The following CSMD3 variants were observed in gnomAD, a reference collection of about 807,000 sequenced individuals.
The protein encoded by CSMD3 is CUB and sushi domain-containing protein 3.
In CSMD3, 177 loss-of-function variants were observed where a neutral mutation model predicts 435.2. The observed-to-expected ratio is 0.41, with a 90% CI of 0.36 to 0.46. The LOEUF (loss-of-function observed/expected upper bound fraction) is 0.46. CSMD3 is among the 20% of genes least tolerant of loss of function. CSMD3 has a pLI of 0.34. For missense variants in CSMD3, 4,265 were observed against 4,504.6 expected (o/e 0.95, Z 1.52); for synonymous variants, 1,656 against 1,520.5 (o/e 1.09, Z -2.07).
At chr8:112,922,738 G>A (rs1394954808) in intron 9 of CSMD3, among the ~76,000 whole-genome samples, 1 of 151,870 alleles carries the variant, frequency 6.6e-6, no homozygotes, top group African/African-American at 2.4e-5. Context: ...CCCTTAACAT[G>A]GCATAAAAAG....
chr8:112,818,116 A>G (rs1188133664), intron 12 of CSMD3, among the ~76,000 whole-genome samples: 3 of 152,010 alleles, frequency 2.0e-5, no homozygotes, highest in African/African-American at 7.2e-5. Context: ...GAATAGAATA[A>G]GTAATTGATT....
intron 1 of CSMD3, among the ~76,000 whole-genome samples, chr8:113,351,409 A>C (rs1165944117): frequency 1.3e-5 from 2 of 152,160 alleles, no homozygotes; most frequent in African/African-American, 4.8e-5. Flanking sequence ...TCACCTATAA[A>C]ATAGATAATT....
chr8:112,554,895 C>T (rs905945438), intron 25 of CSMD3, among the ~76,000 whole-genome samples: 2 of 151,934 alleles, frequency 1.3e-5, no homozygotes, highest in African/African-American at 4.8e-5. Flanking sequence ...GAGGCTAAAA[C>T]ATAGCTGTAG....
At chr8:112,869,956 G>A (rs955824206) in intron 10 of CSMD3, among the ~76,000 whole-genome samples, 6 of 152,066 alleles carry the variant, frequency 3.9e-5, no homozygotes, top group African/African-American at 1.4e-4. Flanking sequence ...TGGATGACAG[G>A]TTGATAGGTG....
At chr8:112,672,496 G>C (rs1355506289) in intron 16 of CSMD3, among the ~76,000 whole-genome samples, 1 of 152,070 alleles carries the variant, frequency 6.6e-6, no homozygotes, top group Non-Finnish European at 1.5e-5. Context: ...CTGCATGGTT[G>C]ACAAGACCCC....
chr8:112,867,465 A>AT (rs945275137), intron 10 of CSMD3, among the ~76,000 whole-genome samples: 2 of 152,050 alleles, frequency 1.3e-5, no homozygotes, highest in African/African-American at 4.8e-5. Context: ...TTGTGAGGCA[A>AT]TTTTGTCATT....
Position 112,292,566 on chromosome 8 carries a change from T to A in CSMD3, c.8759A>T (p.Gln2920Leu), listed in dbSNP as rs2130688129. The A allele has an allele frequency of 1.2e-6, 2 of 1,613,878 alleles. No individual in the cohort carries two copies. Among genetic ancestry groups the A allele is most frequent in the Non-Finnish European group, 1.7e-6 (2 of 1,179,798 alleles). The stretch of plus-strand genomic sequence containing the variant: ...GCACATAGGTGGAGGATGGCTCCAC[T>A]GTCTGTTGGCCTGGCACTGTGCCTT... ...PTKAQCQANR[Q>L]WSHPPPMCKV... Residue 2920 changes from glutamine to leucine, a missense_variant, in exon 55 of 71, where the codon CAG (glutamine) becomes CTG (leucine). By Grantham distance (113) the Gln-to-Leu change is moderately radical. Transcript: ENST00000297405.
chr8:112,656,618 T>C (rs2075264551), intron 17 of CSMD3, among the ~76,000 whole-genome samples: 1 of 152,122 alleles, frequency 6.6e-6, no homozygotes, highest in Admixed American at 6.5e-5. Flanking sequence ...ACTGGACTGT[T>C]CATGAACCAA....
chr8:113,085,138 C>T (rs1042461734), intron 5 of CSMD3, among the ~76,000 whole-genome samples: 1 of 151,876 alleles, frequency 6.6e-6, no homozygotes, highest in Non-Finnish European at 1.5e-5. Flanking sequence ...AAACAATCAA[C>T]AGAGTGAAGA....
chr8:113,051,425 GTCT>G (rs1473229379), intron 5 of CSMD3, among the ~76,000 whole-genome samples: 3 of 151,942 alleles, frequency 2.0e-5, no homozygotes, highest in Non-Finnish European at 4.4e-5. Flanking sequence ...AACAATAATG[GTCT>G]TCTATAGAAA....
At chr8:112,993,332 T>C (rs912922044) in intron 6 of CSMD3, among the ~76,000 whole-genome samples, 2 of 151,752 alleles carry the variant, frequency 1.3e-5, no homozygotes, top group African/African-American at 2.4e-5. Context: ...GAAAAGTATA[T>C]CCTAGATATT....
At chr8:113,259,663 T>C (rs1033374448) in intron 3 of CSMD3, among the ~76,000 whole-genome samples, 10 of 151,788 alleles carry the variant, frequency 6.6e-5, no homozygotes, top group Admixed American at 4.6e-4. Flanking sequence ...ATTTAAAGAA[T>C]AAAGATATAT....
In CSMD3 at chr8:113,092,981, T is replaced by G. The variant is rs572735794; in HGVS notation, c.917+5775A>C. ...ACTTCAGTCAAATCAAGTACAACCA[T>G]TGGAAAAAACATGTAAAAGCAGATT... On this transcript the variant is annotated intron_variant, in intron 5 of 70. Transcript: ENST00000297405. Among the ~76,000 whole-genome samples the G allele has an allele frequency of 4.6e-5, 7 of 152,182 alleles. No individual in the cohort carries two copies. In the South Asian group the frequency reaches 1.5e-3, roughly 32 times the overall value.
At chr8:112,647,678 T>C (rs891748565) in intron 19 of CSMD3, among the ~76,000 whole-genome samples, 1 of 152,154 alleles carries the variant, frequency 6.6e-6, no homozygotes, top group South Asian at 2.1e-4. Context: ...AATTGATCTA[T>C]CTCTTCCGAA....
intron 1 of CSMD3, among the ~76,000 whole-genome samples, chr8:113,327,722 C>T (rs748376161): frequency 6.6e-6 from 1 of 151,454 alleles, no homozygotes; most frequent in Non-Finnish European, 1.5e-5. Context: ...TTTGGCCTGA[C>T]ATGGAGATTT....
intron 32 of CSMD3, among the ~76,000 whole-genome samples, chr8:112,437,930 T>C (rs897037178): frequency 2.6e-5 from 4 of 152,086 alleles, no homozygotes; most frequent in African/African-American, 9.7e-5. Flanking sequence ...CCATTCTATA[T>C]TACCTAGCAC....
intron 5 of CSMD3, among the ~76,000 whole-genome samples, chr8:113,087,774 A>T (rs1427039031): frequency 1.3e-5 from 2 of 152,178 alleles, no homozygotes; most frequent in Admixed American, 6.5e-5. Flanking sequence ...AACCTAGGCA[A>T]TACCATTCAG....
intron 5 of CSMD3, among the ~76,000 whole-genome samples, chr8:113,059,950 A>G (rs1447146889): frequency 6.6e-6 from 1 of 151,996 alleles, no homozygotes; most frequent in East Asian, 1.9e-4. Context: ...TTAACCTAGC[A>G]GTAGGACTGA....
intron 20 of CSMD3, among the ~76,000 whole-genome samples, chr8:112,642,407 C>T (rs1216761892): frequency 6.6e-6 from 1 of 152,050 alleles, no homozygotes; most frequent in Non-Finnish European, 1.5e-5. Context: ...ATGACACTGT[C>T]GTTAACTGAG....
Sources: allele counts gnomAD v4.1 joint callset (sites outside exome capture counted in the v4.1 genomes callset), GRCh38; gene constraint gnomAD v4.1.1; transcripts MANE v1.5; gene names NCBI Gene and HGNC (gene_info 2026-07-23, HGNC 2026-07-21).